Variants in SH3D21 observed in about 807,000 individuals in gnomAD.
The protein encoded by SH3D21 is SH3 domain-containing protein 21.
Under a neutral mutation model 82.1 loss-of-function variants are expected in SH3D21, and 83 were observed. The ratio of observed to expected loss-of-function variants is 1.01; its 90% CI spans 0.85 to 1.21. The LOEUF is 1.21. SH3D21 is among the 50% of genes most tolerant of loss of function. The probability of loss-of-function intolerance (pLI) is 0.00; values close to 1 mark genes in which losing one functional copy is unlikely to be tolerated. For synonymous variants in SH3D21, 383 were observed against 387.8 expected (o/e 0.99, Z 0.15); for missense variants, 980 against 962.1 (o/e 1.02, Z -0.25).
chr1:36,312,054 TTGCTTTGTC>T (rs1646250625), intron 10 of SH3D21, among the ~76,000 whole-genome samples: 1 of 152,010 alleles, frequency 6.6e-6, no homozygotes, highest in Non-Finnish European at 1.5e-5. Flanking sequence ...AGACAGAGTC[TTGCTTTGTC>T]ACTCAGGCTG....
rs140564974 is a variant in SH3D21 at position 36,308,228 on chromosome 1, G to C, written c.639+19G>C. 4.6e-5 allele frequency: 70 copies of C among 1,512,380 alleles called. No individual in the cohort carries two copies. The highest frequency in any genetic ancestry group is 1.7e-4 in the Middle Eastern group (1 of 5,820). 93.7% of individuals were successfully genotyped at this position (1,512,380 alleles called of 1,614,324 possible). A position where few individuals can be genotyped will look rare whatever the true frequency, so the allele number is the denominator to read the frequency against. On this transcript the variant is annotated intron_variant, in intron 8 of 15. Transcript: ENST00000453908. ...CAGCAAGGTGTGAGACGAACAGGGT[G>C]GGGGGGCCCAGGGAAGCCGGTGTTG...
Position 36,320,714 on chromosome 1 carries a change from A to G in SH3D21, c.2051A>G (p.Lys684Arg), listed in dbSNP as rs779865241. 3 of 1,613,866 alleles carry G rather than the reference A, an allele frequency of 1.9e-6. No homozygotes were observed. Among genetic ancestry groups the G allele is most frequent in the Non-Finnish European group, 2.5e-6 (3 of 1,179,894 alleles). Reference sequence around the variant, plus strand: ...GTCCCGCAAAACTACACGGAAAACAAGAATGAAGGAGTTGATGTAACGTCG... The same window carrying G: ...GTCCCGCAAAACTACACGGAAAACAGGAATGAAGGAGTTGATGTAACGTCG... Reference protein sequence around the residue: ...SLVPQNYTENKNEGVDVTSLR... With the variant: ...SLVPQNYTENRNEGVDVTSLR... The change falls in exon 14 of 16, where the codon AAG (lysine) becomes AGG (arginine). Residue 684 changes from lysine (K) to arginine (R), a missense_variant. Physicochemically the swap from Lys to Arg is conservative, Grantham distance 26. Transcript: ENST00000453908.
chr1:36,316,228 TTTTTGTTTTGTTTTG>T (rs59279425), intron 10 of SH3D21, among the ~76,000 whole-genome samples: 1 of 151,472 alleles, frequency 6.6e-6, no homozygotes, highest in African/African-American at 2.4e-5. Flanking sequence ...TTGCTTTTAT[TTTTTGTTTTGTTTTG>T]TTTTGTTTTG....
intron 9 of SH3D21, among the ~76,000 whole-genome samples, chr1:36,308,951 CAAAAA>C (rs1286448889): frequency 6.9e-6 from 1 of 145,296 alleles, no homozygotes; most frequent in East Asian, 2.0e-4. Context: ...GACTCTATCT[CAAAAA>C]GAAAAAAAAA....
At chr1:36,323,166 C>T (rs1354519195), downstream of SH3D21, 2 of 1,007,532 alleles carry the variant, frequency 2.0e-6, no homozygotes, top group Non-Finnish European at 2.8e-6. Context: ...GCCCAGGTTC[C>T]ACCCTGGAGA....
Position 36,307,363 on chromosome 1 carries a change from G to A in SH3D21, c.345+78G>A, listed in dbSNP as rs1325674742. On this transcript the variant is annotated intron_variant, in intron 4 of 15. Coordinates refer to ENST00000453908, the MANE Select transcript of SH3D21 (RefSeq NM_001162530.2). This position sits in a 1 kb window ranked among gnomAD's most constrained non-coding sequence, Gnocchi z 5.4. ...CCTAGTGAGCGGGGTGGGAAGTGAG[G>A]GTGTGGACGGTGGGAATGGCGACGG... The A allele has an allele frequency of 1.3e-6, 2 of 1,532,462 alleles. No homozygotes were observed. Among genetic ancestry groups the A allele is most frequent in the African/African-American group, 1.4e-5 (1 of 72,722 alleles). The allele number at this position is 1,532,462 out of a possible 1,614,324, so 94.9% of individuals were successfully genotyped here.
At chr1:36,321,394 G>C (rs1646460281), downstream of SH3D21, 2 of 1,335,320 alleles carry the variant, frequency 1.5e-6, no homozygotes, top group Admixed American at 3.2e-5. This position sits in a 1 kb window ranked among gnomAD's most constrained non-coding sequence, Gnocchi z 6.1. Flanking sequence ...GGTGAGGGGC[G>C]GGGGAGGGTG....
At chr1:36,308,536 A>C in intron 9 of SH3D21, 61 bp downstream of exon 9, 1 of 1,410,220 alleles carries the variant, frequency 7.1e-7, no homozygotes, top group Non-Finnish European at 9.8e-7. Flanking sequence ...AAAGGTGGGG[A>C]TCATGGGCAC....
chr1:36,314,591 G>A (rs1267075107), intron 10 of SH3D21, among the ~76,000 whole-genome samples: 1 of 151,760 alleles, frequency 6.6e-6, no homozygotes, highest in African/African-American at 2.4e-5. Context: ...AAGTAGCTAG[G>A]ATGACAGGCG....
At chr1:36,314,805 T>C (rs899241154) in intron 10 of SH3D21, among the ~76,000 whole-genome samples, 3 of 152,104 alleles carry the variant, frequency 2.0e-5, no homozygotes, top group Non-Finnish European at 2.9e-5. Context: ...TGAAGTCCCA[T>C]TTATCTATTT....
rs1334074164 is a variant in SH3D21, at chr1:36,320,901, G to A, written c.2136-14G>A. ...CTCACCTGCCCAGCCCCTCACCTCC[G>A]CCTCGGCCCGCAGGAGGAAGCTGAC... is the stretch of plus-strand genomic sequence containing the variant. On this transcript the variant is annotated splice_polypyrimidine_tract_variant and intron_variant, in intron 14 of 15. Transcript: ENST00000453908. 1 of 1,557,920 alleles carries A rather than the reference G, an allele frequency of 6.4e-7. No individual in the cohort carries two copies. The highest frequency in any genetic ancestry group is 8.7e-7 in the Non-Finnish European group (1 of 1,150,940).
Position 36,321,229 on chromosome 1 carries a change from G to T in SH3D21, c.*102G>T. On this transcript the variant is annotated 3_prime_UTR_variant, in exon 16 of 16. Coordinates refer to ENST00000453908, the MANE Select transcript of SH3D21 (RefSeq NM_001162530.2). This position sits in a 1 kb window ranked among gnomAD's most constrained non-coding sequence, Gnocchi z 6.1. ...GAGAAAGTAAACTCTGCCTAGCACG[G>T]CGCCACGCCGGTCTGGTCGCTGGGG... is the stretch of plus-strand genomic sequence containing the variant. 6.7e-7 allele frequency: 1 copy of T among 1,496,478 alleles called. No homozygotes were observed. Among genetic ancestry groups the T allele is most frequent in the Non-Finnish European group, 8.9e-7 (1 of 1,122,626 alleles). The allele number at this position is 1,496,478 out of a possible 1,614,324, so 92.7% of individuals were successfully genotyped here. A position where few individuals can be genotyped will look rare whatever the true frequency, so the allele number is the denominator to read the frequency against.
rs1646137683 is a variant in SH3D21, at chr1:36,306,975, G to T, written c.226+70G>T. 1 of 1,368,300 alleles carries T rather than the reference G, an allele frequency of 7.3e-7. No individual in the cohort carries two copies. The highest frequency in any genetic ancestry group is 3.1e-5 in the Admixed American group (1 of 31,844). 84.8% of individuals were successfully genotyped at this position (1,368,300 alleles called of 1,614,324 possible). On this transcript the variant is annotated intron_variant, in intron 3 of 15. Transcript: ENST00000453908. The surrounding 1 kb of genome is among the most constrained non-coding windows in gnomAD (Gnocchi z 4.5). ...AGCCAGTGCGACCCCGGCGTCTCCG[G>T]CTCTTAGTGACGGGCGCGGCTCTGG...
chr1:36,308,029 A>G, intron 7 of SH3D21, 66 bp downstream of exon 7: 1 of 1,550,600 alleles, frequency 6.4e-7, no homozygotes, highest in Admixed American at 2.0e-5. Context: ...TTGGTGGGCC[A>G]GCTAGGCTGA....
chr1:36,308,014 G>C (rs1646164044), intron 7 of SH3D21, 51 bp downstream of exon 7: 1 of 1,550,942 alleles, frequency 6.4e-7, no homozygotes, highest in South Asian at 1.2e-5. Flanking sequence ...TCCCAAGGTT[G>C]TGACTTGGTG....
At position 36,307,384 on chromosome 1, in the gene SH3D21, G is replaced by A; in HGVS notation, c.345+99G>A. 1 of 1,517,486 alleles carries A rather than the reference G, an allele frequency of 6.6e-7. No individual in the cohort carries two copies. The highest frequency in any genetic ancestry group is 1.2e-5 in the South Asian group (1 of 81,298). The allele number at this position is 1,517,486 out of a possible 1,614,324, so 94.0% of individuals were successfully genotyped here. On this transcript the variant is annotated intron_variant, in intron 4 of 15. Coordinates refer to ENST00000453908, the MANE Select transcript of SH3D21 (RefSeq NM_001162530.2). This position sits in a 1 kb window ranked among gnomAD's most constrained non-coding sequence, Gnocchi z 5.4. ...TGAGGGTGTGGACGGTGGGAATGGCGACGGTGCAGATACGGGGAAGCGCGG... is the reference window on the plus strand; with the variant it reads ...TGAGGGTGTGGACGGTGGGAATGGCAACGGTGCAGATACGGGGAAGCGCGG...
At chr1:36,322,594 C>T (rs2124704925), downstream of SH3D21, 1 of 1,564,306 alleles carries the variant, frequency 6.4e-7, no homozygotes, top group Admixed American at 1.9e-5. Context: ...CTGCGGGGGT[C>T]CCGGCGCTGA....
In SH3D21 at chr1:36,307,420, G is replaced by C; in HGVS notation, c.346-97G>C. 6.6e-7 allele frequency: 1 copy of C among 1,504,792 alleles called. No homozygotes were observed. Among genetic ancestry groups the C allele is most frequent in the South Asian group, 1.2e-5 (1 of 80,602 alleles). 93.2% of individuals were successfully genotyped at this position (1,504,792 alleles called of 1,614,324 possible). On this transcript the variant is annotated intron_variant, in intron 4 of 15. Transcript: ENST00000453908. The surrounding 1 kb of genome is among the most constrained non-coding windows in gnomAD (Gnocchi z 5.4). The stretch of plus-strand genomic sequence containing the variant: ...TACGGGGAAGCGCGGGAGGGAAGGA[G>C]GGAGGAAGGGGCGCTTGGGCAGAAC...
At chr1:36,327,850 G>A (rs1386479697), downstream of SH3D21, 1 of 1,289,494 alleles carries the variant, frequency 7.8e-7, no homozygotes, top group Non-Finnish European at 1.0e-6. Flanking sequence ...CTGTCCCCAT[G>A]GTCCACATGC....
Sources: gnomAD v4.1 joint callset for allele counts (sites outside exome capture counted in the v4.1 genomes callset) on GRCh38, gnomAD v4.1.1 for gene constraint, Gnocchi (gnomAD v3.1) non-coding constraint, MANE v1.5 for transcripts, NCBI Gene and HGNC (gene_info 2026-07-23, HGNC 2026-07-21) for gene names.